The following PREPL variants were observed in gnomAD, a reference collection of about 807,000 sequenced individuals.
PREPL encodes the protein prolyl endopeptidase-like.
PREPL carries 77 observed loss-of-function variants against 70.6 expected under a neutral mutation model. The ratio of observed to expected loss-of-function variants is 1.09; its 90% confidence interval spans 0.91 to 1.32. PREPL has a LOEUF of 1.32. Among genes scored for constraint, PREPL ranks in the 40% most tolerant of loss-of-function variants. PREPL has a pLI of 0.00. For missense variants in PREPL, 1,002 were observed against 778.2 expected, an observed-to-expected ratio of 1.29 and a Z score of -3.42; for synonymous variants, 315 against 264.8, an observed-to-expected ratio of 1.19 and a Z score of -1.84.
At chr2:44,332,028 G>A (rs986917854) in intron 8 of PREPL, among the ~76,000 whole-genome samples, 4 of 146,106 alleles carry the variant, frequency 2.7e-5, no homozygotes, top group African/African-American at 5.1e-5. Flanking sequence ...CTCACTGCAT[G>A]CTCCGCCTCC....
At chr2:44,349,693 G>A (rs772579078) in intron 1 of PREPL, among the ~76,000 whole-genome samples, 41 of 152,188 alleles carry the variant, frequency 2.7e-4, no homozygotes, top group Middle Eastern at 3.4e-3. Context: ...GGCCGGGCGC[G>A]GTGGCTCACG....
chr2:44,332,399 A>G (rs1674206905), intron 8 of PREPL, 60 bp downstream of exon 8: 2 of 1,430,888 alleles, frequency 1.4e-6, no homozygotes, highest in South Asian at 1.2e-5. Flanking sequence ...ACTGCATGGC[A>G]TCTGGCAAAC....
At chr2:44,340,819 T>G (rs1675135001) in intron 5 of PREPL, among the ~76,000 whole-genome samples, 1 of 151,790 alleles carries the variant, frequency 6.6e-6, no homozygotes, top group Non-Finnish European at 1.5e-5. Context: ...TCCCAGCTAC[T>G]TGGGAGGCTG....
intron 7 of PREPL, among the ~76,000 whole-genome samples, chr2:44,337,245 C>T (rs926276733): frequency 6.6e-6 from 1 of 152,194 alleles, no homozygotes; most frequent in East Asian, 1.9e-4. Flanking sequence ...AATCCTATCT[C>T]TCTTCTCTGG....
rs537911061 is a variant in PREPL at position 44,321,858 on chromosome 2, C to T, written c.1796G>A (p.Gly599Asp). ...PNIILDIQPG[G>D]NHVIEDSHKK... ...GTGAGAATCCTCAATTACATGATTG[C>T]CTCCAGGCTGAATATCTAGAATAAT... is the stretch of plus-strand genomic sequence containing the variant. Residue 599 changes from glycine (G) to aspartate (D), a missense_variant, in exon 13 of 14, where the codon GGC becomes GAC. Coordinates refer to ENST00000409411, the MANE Select transcript of PREPL (RefSeq NM_001171613.2). The T allele has an allele frequency of 1.9e-6, 3 of 1,613,630 alleles. No individual in the cohort carries two copies. The East Asian group carries it at 6.7e-5, about 36-fold the overall frequency.
At chr2:44,329,259 T>C in intron 8 of PREPL, 147 bp from the exon 9 acceptor site, 1 of 647,230 alleles carries the variant, frequency 1.5e-6, no homozygotes, top group Non-Finnish European at 2.5e-6. Context: ...AAAAGAATTA[T>C]GGTCTCTAAA....
At chr2:44,321,593 G>A in intron 13 of PREPL, 148 bp from the exon 14 acceptor site, 2 of 1,486,444 alleles carry the variant, frequency 1.3e-6, no homozygotes, top group South Asian at 1.4e-5. Context: ...GAGGCAGAAG[G>A]CTTCCAACAA....
Position 44,318,809 on chromosome 2 carries a change from AAAAGCATTATATGAGAC to A in PREPL, c.*2530_*2546del, listed in dbSNP as rs1672668336. 6.6e-6 allele frequency: 1 copy of A among 152,234 alleles called. No homozygotes were observed. The highest frequency in any genetic ancestry group is 6.5e-5 in the Admixed American group (1 of 15,288). 9.4% of individuals were successfully genotyped at this position (152,234 alleles called of 1,614,324 possible). On this transcript the variant is annotated 3_prime_UTR_variant, in exon 14 of 14. Transcript: ENST00000409411. ...AGCAGACAAAATATAGTTCAATATG[AAAAGCATTATATGAGAC>A]AAAGGCAATTTTCAAAAATTGATAA...
intron 3 of PREPL, 66 bp downstream of exon 3, chr2:44,344,454 T>C: frequency 2.5e-6 from 3 of 1,181,362 alleles, no homozygotes; most frequent in Non-Finnish European, 2.4e-6. Flanking sequence ...GAGAAATTAA[T>C]AAATTTCCTA....
chr2:44,343,644 C>T, intron 4 of PREPL, 101 bp downstream of exon 4: 1 of 1,008,144 alleles, frequency 9.9e-7, no homozygotes, highest in Non-Finnish European at 1.5e-6. Context: ...ATACATGAAT[C>T]AGGCATTCAC....
rs548314888 is a variant in PREPL at position 44,318,095 on chromosome 2, G to T, written c.*3261C>A. ...ATAATACTTAAAGGATCTCAACACTGTTTTTTTTTTTTTTTGAGACAGTCT... is the reference window on the plus strand; with the variant it reads ...ATAATACTTAAAGGATCTCAACACTTTTTTTTTTTTTTTTTGAGACAGTCT... On this transcript the variant is annotated 3_prime_UTR_variant, in exon 14 of 14. Transcript: ENST00000409411. 4.1e-4 allele frequency: 162 copies of T among 396,970 alleles called. 2 individuals are homozygous for T. The highest frequency in any genetic ancestry group is 1.1e-3 in the South Asian group (63 of 56,214). The allele number at this position is 396,970 out of a possible 1,614,324, so 24.6% of individuals were successfully genotyped here.
intron 13 of PREPL, 180 bp from the exon 14 acceptor site, chr2:44,321,625 T>G (rs865886540): frequency 2.0e-6 from 3 of 1,485,064 alleles, no homozygotes; most frequent in African/African-American, 2.8e-5. Context: ...TTATTTTCTT[T>G]AACAGAGCTC....
chr2:44,332,349 G>T, intron 8 of PREPL, 110 bp downstream of exon 8: 2 of 968,142 alleles, frequency 2.1e-6, no homozygotes, highest in Non-Finnish European at 3.1e-6. Context: ...TGTGGTCTAA[G>T]AAATCTACAT....
In PREPL at chr2:44,321,275, A is replaced by ATT; in HGVS notation, c.*79_*80dup. ...ATAACTTAAAAGTCTCAAGTTATTA[A>ATT]TTTTTTTTTTGCTAACTCAATTGGA... On this transcript the variant is annotated 3_prime_UTR_variant, in exon 14 of 14. Transcript: ENST00000409411. 5 of 1,092,932 alleles carry ATT rather than the reference A, an allele frequency of 4.6e-6. No individual in the cohort carries two copies. The highest frequency in any genetic ancestry group is 2.7e-5 in the Admixed American group (1 of 36,834). The allele number at this position is 1,092,932 out of a possible 1,614,324, so 67.7% of individuals were successfully genotyped here. A position where few individuals can be genotyped will look rare whatever the true frequency, so the allele number is the denominator to read the frequency against.
chr2:44,351,993 T>C (rs1461581158), intron 1 of PREPL, among the ~76,000 whole-genome samples: 1 of 152,226 alleles, frequency 6.6e-6, no homozygotes, highest in Non-Finnish European at 1.5e-5. Context: ...CCAAGCCCAC[T>C]TATTCCAGTT....
chr2:44,361,641 GTTC>G (rs1004494108), upstream of PREPL: 15 of 203,308 alleles, frequency 7.4e-5, no homozygotes, highest in African/African-American at 3.4e-4. Flanking sequence ...GGGTTCCTGG[GTTC>G]TTTAGTCTCG....
At chr2:44,338,315 T>G in intron 7 of PREPL, 36 bp downstream of exon 7, 4 of 1,547,464 alleles carry the variant, frequency 2.6e-6, no homozygotes, top group Non-Finnish European at 3.5e-6. Flanking sequence ...ATAAATATTT[T>G]GATTAACAGT....
intron 1 of PREPL, among the ~76,000 whole-genome samples, chr2:44,353,453 T>C (rs1292280490): frequency 1.3e-5 from 2 of 151,930 alleles, no homozygotes; most frequent in African/African-American, 4.8e-5. Context: ...CTGGGCATGG[T>C]GGCAGGCACC....
At chr2:44,359,810 C>G in intron 1 of PREPL, 2 of 838,110 alleles carry the variant, frequency 2.4e-6, no homozygotes, top group Admixed American at 2.2e-5. Flanking sequence ...CTCAGAGTAA[C>G]TAAGATCAGC....
Sources: gnomAD v4.1 joint callset for allele counts (sites outside exome capture counted in the v4.1 genomes callset) on GRCh38, gnomAD v4.1.1 for gene constraint, MANE v1.5 for transcripts, NCBI Gene and HGNC (gene_info 2026-07-23, HGNC 2026-07-21) for gene names.